The following MRTFB variants were observed in gnomAD, a reference collection of about 807,000 sequenced individuals.
MRTFB encodes the protein myocardin-related transcription factor B.
MRTFB carries 29 observed loss-of-function variants against 104.2 expected under a neutral mutation model. That is an observed-to-expected ratio of 0.28 (90% CI 0.21 to 0.38). MRTFB has a LOEUF of 0.38. Among genes scored for constraint, MRTFB ranks in the 10% least tolerant of loss-of-function variants. The pLI is 1.00. For missense variants in MRTFB, 1,270 were observed against 1,341.6 expected, an observed-to-expected ratio of 0.95 and a Z score of 0.83; for synonymous variants, 535 against 519.5, an observed-to-expected ratio of 1.03 and a Z score of -0.41.
intron 2 of MRTFB, among the ~76,000 whole-genome samples, chr16:14,122,462 G>A (rs1255267640): frequency 1.3e-5 from 2 of 152,026 alleles, no homozygotes; most frequent in Non-Finnish European, 2.9e-5. Flanking sequence ...AGGCCCTGGT[G>A]TGTGATGTTT....
At chr16:14,131,677 A>G (rs915166577) in intron 2 of MRTFB, among the ~76,000 whole-genome samples, 7 of 152,190 alleles carry the variant, frequency 4.6e-5, no homozygotes, top group African/African-American at 1.7e-4. Context: ...ATAAATGGCC[A>G]ATAAAACATG....
rs528850499 is a variant in MRTFB, at chr16:14,235,747, GC to G, written c.831+1468del. 5.8e-4 allele frequency among the ~76,000 whole-genome samples: 89 copies of G among 152,266 alleles called. 1 individual carries two copies. Among genetic ancestry groups the G allele is most frequent in the Middle Eastern group, 6.8e-3 (2 of 294 alleles). ...GGAACACTAGTTATTATGTTTCTGT[GC>G]CCCTCCTCTACAGGTGCCTTCCTGA... On this transcript the variant is annotated intron_variant, in intron 9 of 16. Transcript: ENST00000571589.
At chr16:14,010,508 C>T in the MRTFB span, among the ~76,000 whole-genome samples, 9 of 152,062 alleles carry the variant, frequency 5.9e-5, no homozygotes, top group African/African-American at 2.2e-4. Context: ...GCCATGTTGC[C>T]CAGGCTGGTC....
At chr16:14,071,241 C>G (rs1596674824), upstream of MRTFB, 1 of 152,988 alleles carries the variant, frequency 6.5e-6, no homozygotes, top group Admixed American at 6.5e-5. Flanking sequence ...GTCCGGGGAG[C>G]GCGCCGAGCC....
the MRTFB span, among the ~76,000 whole-genome samples, chr16:14,008,635 T>C: frequency 2.6e-5 from 4 of 152,236 alleles, no homozygotes; most frequent in East Asian, 3.8e-4. Flanking sequence ...CCTCCAACTT[T>C]GTTCTTTTTG....
chr16:14,137,085 A>C (rs1009913712), intron 2 of MRTFB, among the ~76,000 whole-genome samples: 4 of 152,160 alleles, frequency 2.6e-5, no homozygotes, highest in African/African-American at 4.8e-5. Context: ...CCATTTCTTT[A>C]ATATGTCAAT....
chr16:14,058,447 T>C, the MRTFB span, among the ~76,000 whole-genome samples: 1 of 149,792 alleles, frequency 6.7e-6, no homozygotes, highest in Non-Finnish European at 1.5e-5. Context: ...CCGGGCAATG[T>C]ACCCAAGTTT....
the MRTFB span, among the ~76,000 whole-genome samples, chr16:14,011,699 C>T: frequency 2.0e-5 from 3 of 152,074 alleles, no homozygotes; most frequent in Non-Finnish European, 4.4e-5. Flanking sequence ...TGGTGAAACC[C>T]CGTCTCTACT....
chr16:14,176,974 A>C (rs1481978379), intron 3 of MRTFB, among the ~76,000 whole-genome samples: 1 of 152,254 alleles, frequency 6.6e-6, no homozygotes, highest in Admixed American at 6.5e-5. Flanking sequence ...CTTCTGAAAG[A>C]GACTGATACT....
intron 13 of MRTFB, among the ~76,000 whole-genome samples, chr16:14,250,289 TAC>T (rs747168371): frequency 3.9e-5 from 6 of 152,356 alleles, no homozygotes; most frequent in East Asian, 1.9e-4. Context: ...GCTTATGAAA[TAC>T]AGAGGTTTTT....
At chr16:14,211,396 G>A (rs530922007) in intron 4 of MRTFB, among the ~76,000 whole-genome samples, 1 of 152,218 alleles carries the variant, frequency 6.6e-6, no homozygotes, top group African/African-American at 2.4e-5. Context: ...AACCTGATTG[G>A]ACTGGGCTCC....
chr16:14,085,472 A>G (rs2034649815), intron 2 of MRTFB, among the ~76,000 whole-genome samples: 1 of 151,874 alleles, frequency 6.6e-6, no homozygotes. Context: ...AAAAAAAAAA[A>G]AAAGCGAAAA....
chr16:14,153,741 A>G (rs2038721996), intron 3 of MRTFB, among the ~76,000 whole-genome samples: 1 of 152,212 alleles, frequency 6.6e-6, no homozygotes, highest in Admixed American at 6.5e-5. Context: ...ATGAAAATAC[A>G]TATATTTCTT....
intron 3 of MRTFB, chr16:14,187,117 C>A: frequency 1.8e-6 from 2 of 1,133,354 alleles, no homozygotes; most frequent in Non-Finnish European, 2.5e-6. Flanking sequence ...TGTTACCATG[C>A]TATGTGTCTG....
intron 2 of MRTFB, among the ~76,000 whole-genome samples, chr16:14,126,702 G>A (rs946852902): frequency 2.6e-5 from 4 of 152,080 alleles, no homozygotes; most frequent in African/African-American, 4.8e-5. Flanking sequence ...AAATAAGTAC[G>A]TTTGTCACCC....
At chr16:14,136,320 T>G (rs1463015188) in intron 2 of MRTFB, among the ~76,000 whole-genome samples, 6 of 151,804 alleles carry the variant, frequency 4.0e-5, no homozygotes, top group African/African-American at 1.5e-4. Context: ...TTGTACCTAC[T>G]TATCCTACTT....
chr16:14,254,312 C>A (rs1403439816), intron 15 of MRTFB, among the ~76,000 whole-genome samples: 3 of 152,218 alleles, frequency 2.0e-5, no homozygotes, highest in African/African-American at 4.8e-5. Flanking sequence ...TAACAAAAAG[C>A]AACTACCTGA....
chr16:14,126,132 G>A (rs1333080501), intron 2 of MRTFB, among the ~76,000 whole-genome samples: 2 of 152,006 alleles, frequency 1.3e-5, no homozygotes, highest in South Asian at 2.1e-4. Context: ...GATTAGTTTG[G>A]TTACCTAGTT....
intron 2 of MRTFB, among the ~76,000 whole-genome samples, chr16:14,117,905 C>G (rs1567342655): frequency 6.6e-6 from 1 of 152,138 alleles, no homozygotes; most frequent in East Asian, 1.9e-4. Flanking sequence ...CCCCCTTTTT[C>G]TCTTTCTTTA....
Sources: allele counts gnomAD v4.1 joint callset (sites outside exome capture counted in the v4.1 genomes callset), GRCh38; gene constraint gnomAD v4.1.1; transcripts MANE v1.5; gene names NCBI Gene and HGNC (gene_info 2026-07-23, HGNC 2026-07-21).